The following MYOM3 variants were observed in gnomAD, a reference collection of about 807,000 sequenced individuals.
MYOM3 encodes the protein myomesin 3, also known as myomesin-3.
In MYOM3, 155 loss-of-function variants were observed where a neutral mutation model predicts 191.7. The ratio of observed to expected loss-of-function variants is 0.81; its 90% CI spans 0.71 to 0.92. The LOEUF (loss-of-function observed/expected upper bound fraction) is 0.92. Ranked by LOEUF, MYOM3 falls within the 40% of genes least tolerant of loss-of-function variation. MYOM3 has a pLI of 0.00. For synonymous variants in MYOM3, 757 were observed against 762.9 expected (o/e 0.99, Z 0.13); for missense variants, 1,889 against 1,890.6 (o/e 1.00, Z 0.02).
At chr1:24,067,112 C>T (rs1360185423) in intron 27 of MYOM3, 24 bp from the exon 28 acceptor site, 1 of 1,561,514 alleles carries the variant, frequency 6.4e-7, no homozygotes, top group East Asian at 2.4e-5. Context: ...ACAAATGTGC[C>T]CACTGTCAGA....
intron 35 of MYOM3, among the ~76,000 whole-genome samples, chr1:24,060,650 C>T (rs1445974544): frequency 6.6e-6 from 1 of 152,136 alleles, no homozygotes; most frequent in African/African-American, 2.4e-5. Context: ...CCGGGTGGCC[C>T]GGAGGCCGTG....
Position 24,108,026 on chromosome 1 carries a change from G to A in MYOM3, c.209C>T (p.Ala70Val). The change falls in exon 3 of 37, where the codon GCC (alanine) becomes GTC (valine). Residue 70 changes from alanine (A) to valine (V), a missense_variant. Coordinates refer to ENST00000374434, the MANE Select transcript of MYOM3 (RefSeq NM_152372.4). ...CTCGGAGGAGGCCGTCAGAGCCAGG[G>A]CTGCTGCCAGGGCGTAGTCCGCGGC... ...FSAADYALAAALALTASSELS... is the reference protein window; with the variant it reads ...FSAADYALAAVLALTASSELS... The A allele has an allele frequency of 6.2e-7, 1 of 1,613,750 alleles. No homozygotes were observed. Among genetic ancestry groups the A allele is most frequent in the Middle Eastern group, 1.7e-4 (1 of 6,052 alleles).
At chr1:24,082,555 C>T (rs902134785) in intron 17 of MYOM3, 38 bp downstream of exon 17, 12 of 1,542,400 alleles carry the variant, frequency 7.8e-6, no homozygotes, top group Non-Finnish European at 1.0e-5. Flanking sequence ...CTGCCCAGCC[C>T]AGGGAGGTTT....
At position 24,090,075 on chromosome 1, in the gene MYOM3, G is replaced by A. The variant is rs141746941; in HGVS notation, c.1476C>T (p.Asp492=). 81 of 1,614,084 alleles carry A rather than the reference G, an allele frequency of 5.0e-5. No homozygotes were observed. The highest frequency in any genetic ancestry group is 4.1e-4 in the African/African-American group (31 of 75,056). ...GAGGATCCCGCGTACCTTCAAAAGC[G>A]TCTGTGCTGATGGTGATCTTGTTTC... ...DLGNKITIST[D]AFEDTVTIPS... is the part of the protein sequence containing the mutation. Residue 492 remains aspartate (D), a synonymous_variant, in exon 13 of 37, where the codon GAC becomes GAT. Coordinates refer to ENST00000374434, the MANE Select transcript of MYOM3 (RefSeq NM_152372.4).
At chr1:24,089,811 T>A in intron 13 of MYOM3, 146 bp from the exon 14 acceptor site, 1 of 1,050,014 alleles carries the variant, frequency 9.5e-7, no homozygotes, top group Non-Finnish European at 1.4e-6. Context: ...TCAGCAATGC[T>A]GGGCAGAGCC....
In MYOM3 at chr1:24,071,136, T is replaced by C. The variant is rs756133875; in HGVS notation, c.3131A>G (p.Lys1044Arg). The change falls in exon 25 of 37, where the codon AAG (lysine) becomes AGG (arginine). Residue 1044 changes from lysine to arginine, a missense_variant. Coordinates refer to ENST00000374434, the MANE Select transcript of MYOM3 (RefSeq NM_152372.4). ...AATTACCGGCGAGCTGAAGATCTCC[T>C]TGTTGTTGAAGATTAGATGTAGCTC... is the stretch of plus-strand genomic sequence containing the variant. ...AAELHLIFNN[K>R]EIFSSPNRKI... The C allele has an allele frequency of 6.2e-7, 1 of 1,613,964 alleles. No homozygotes were observed. Among genetic ancestry groups the C allele is most frequent in the Non-Finnish European group, 8.5e-7 (1 of 1,179,922 alleles).
At chr1:24,066,885 C>T (rs1235390873) in intron 28 of MYOM3, 136 bp downstream of exon 28, 2 of 786,598 alleles carry the variant, frequency 2.5e-6, no homozygotes, top group Non-Finnish European at 4.0e-6. Flanking sequence ...CTCGGGGGTA[C>T]TTTCTGTGTG....
At chr1:24,106,923 G>C in intron 4 of MYOM3, 150 bp downstream of exon 4, 1 of 760,714 alleles carries the variant, frequency 1.3e-6, no homozygotes, top group Non-Finnish European at 2.0e-6. Context: ...CTTGCCCGGG[G>C]TCACACCACT....
At position 24,071,195 on chromosome 1, in the gene MYOM3, A is replaced by G; in HGVS notation, c.3072T>C (p.Leu1024=). The change falls in exon 25 of 37, where the codon CTT becomes CTC. Residue 1024 remains leucine (L), a synonymous_variant. Coordinates refer to ENST00000374434, the MANE Select transcript of MYOM3 (RefSeq NM_152372.4). ...GAGATAACTTTTCTACTTCCAGCCA[A>G]AGCCGCACCTCCCCTCGCTCCAGGA... is the stretch of plus-strand genomic sequence containing the variant. ...IDILERGEVR[L]WLEVEKLSPA... 6.2e-7 allele frequency: 1 copy of G among 1,614,080 alleles called. No individual in the cohort carries two copies. The highest frequency in any genetic ancestry group is 8.5e-7 in the Non-Finnish European group (1 of 1,180,000).
chr1:24,066,059 C>T (rs779069249), intron 28 of MYOM3, 58 bp from the exon 29 acceptor site: 19 of 1,034,202 alleles, frequency 1.8e-5, no homozygotes, highest in Non-Finnish European at 2.9e-5. Context: ...TGAGTAAAAA[C>T]ACACCTGTGC....
At position 24,091,013 on chromosome 1, in the gene MYOM3, C is replaced by T. The variant is rs1259757132; in HGVS notation, c.1233-17G>A. On this transcript the variant is annotated splice_polypyrimidine_tract_variant and intron_variant, in intron 11 of 36. Coordinates refer to ENST00000374434, the MANE Select transcript of MYOM3 (RefSeq NM_152372.4). ...CCCTGGCACCTGTTGGAGACAGGCCCCCCCTTTCAGCCCCTGCCCACAATG... is the reference window on the plus strand; with the variant it reads ...CCCTGGCACCTGTTGGAGACAGGCCTCCCCTTTCAGCCCCTGCCCACAATG... 6 of 1,613,108 alleles carry T rather than the reference C, an allele frequency of 3.7e-6. No homozygotes were observed. The highest frequency in any genetic ancestry group is 4.5e-5 in the East Asian group (2 of 44,888).
At chr1:24,109,431 A>G (rs1644021078) in intron 1 of MYOM3, among the ~76,000 whole-genome samples, 1 of 152,192 alleles carries the variant, frequency 6.6e-6, no homozygotes, top group Admixed American at 6.5e-5. Flanking sequence ...TTTTCTAAGA[A>G]GCCTTGCAGA....
At chr1:24,088,203 G>C (rs1643770999) in intron 14 of MYOM3, among the ~76,000 whole-genome samples, 1 of 152,100 alleles carries the variant, frequency 6.6e-6, no homozygotes, top group Non-Finnish European at 1.5e-5. Flanking sequence ...TTAAGACCTA[G>C]AAGCACAAGG....
intron 9 of MYOM3, among the ~76,000 whole-genome samples, chr1:24,093,649 C>T (rs1052904621): frequency 2.2e-4 from 33 of 151,928 alleles, no homozygotes; most frequent in African/African-American, 7.3e-4. Context: ...GGCTCAGGGG[C>T]GGGCCCTGCC....
Position 24,057,140 on chromosome 1 carries a change from C to T in MYOM3, c.*224G>A. ...TGCATCCGGGTCTCCTACTCCAGGT[C>T]CAGGGTTCATCCCGCTCTCCTGGAA... On this transcript the variant is annotated 3_prime_UTR_variant, in exon 37 of 37. Coordinates refer to ENST00000374434, the MANE Select transcript of MYOM3 (RefSeq NM_152372.4). The T allele has an allele frequency of 1.8e-6, 1 of 571,312 alleles. No individual in the cohort carries two copies. Among genetic ancestry groups the T allele is most frequent in the Non-Finnish European group, 3.1e-6 (1 of 321,826 alleles). 35.4% of individuals were successfully genotyped at this position (571,312 alleles called of 1,614,324 possible).
chr1:24,059,873 G>C (rs1354168306), intron 35 of MYOM3, among the ~76,000 whole-genome samples: 2 of 152,172 alleles, frequency 1.3e-5, no homozygotes, highest in Admixed American at 1.3e-4. Context: ...CCAGGGATCA[G>C]GGATGTGCAA....
chr1:24,100,177 C>T (rs1643901743), intron 5 of MYOM3, among the ~76,000 whole-genome samples: 1 of 152,130 alleles, frequency 6.6e-6, no homozygotes, highest in Admixed American at 6.6e-5. Flanking sequence ...CCTCCAGTTG[C>T]AGTTTTGTGT....
chr1:24,065,800 G>A (rs1283686983), intron 29 of MYOM3, 91 bp downstream of exon 29: 2 of 967,864 alleles, frequency 2.1e-6, no homozygotes, highest in South Asian at 1.3e-5. Flanking sequence ...CCTAGCCTCG[G>A]CCCTGCCCTG....
At position 24,107,160 on chromosome 1, in the gene MYOM3, G is replaced by T. The variant is rs755410704; in HGVS notation, c.315C>A (p.Gly105=). 3.1e-6 allele frequency: 5 copies of T among 1,612,196 alleles called. No individual in the cohort carries two copies. The East Asian group carries it at 6.7e-5, about 22-fold the overall frequency. The change falls in exon 4 of 37, where the codon GGC becomes GGA. Residue 105 remains glycine, a synonymous_variant. Coordinates refer to ENST00000374434, the MANE Select transcript of MYOM3 (RefSeq NM_152372.4). Reference sequence around the variant, plus strand: ...CGATCTCAGTCCTCTCCCAGTCATTGCCGAAGCCCACCCGCTTCTGCCCTC... The same window carrying T: ...CGATCTCAGTCCTCTCCCAGTCATTTCCGAAGCCCACCCGCTTCTGCCCTC... ...EERGQKRVGF[G]NDWERTEIAF...
Sources: allele counts gnomAD v4.1 joint callset (sites outside exome capture counted in the v4.1 genomes callset), GRCh38; gene constraint gnomAD v4.1.1; transcripts MANE v1.5; gene names NCBI Gene and HGNC (gene_info 2026-07-23, HGNC 2026-07-21).